Variants in CFAP54 observed in about 807,000 individuals in gnomAD.
The protein encoded by CFAP54 is cilia- and flagella-associated protein 54.
In CFAP54, 290 loss-of-function variants were observed where a neutral mutation model predicts 370.4. The ratio of observed to expected loss-of-function variants is 0.78; its 90% CI spans 0.71 to 0.86. The LOEUF (loss-of-function observed/expected upper bound fraction) is 0.86, where lower values mean the gene tolerates loss of function less well. Ranked by LOEUF, CFAP54 falls within the 40% of genes least tolerant of loss-of-function variation. The pLI is 0.00. For synonymous variants in CFAP54, 1,206 were observed against 1,236.5 expected (o/e 0.98, Z 0.52); for missense variants, 3,399 against 3,528.7 (o/e 0.96, Z 0.93).
chr12:96,676,980 A>G (rs950578270), intron 39 of CFAP54, among the ~76,000 whole-genome samples: 5 of 148,134 alleles, frequency 3.4e-5, no homozygotes, highest in African/African-American at 1.3e-4. Context: ...TCTAGCCCCA[A>G]ATATCTGTGC....
At position 96,663,894 on chromosome 12, in the gene CFAP54, G is replaced by C. The variant is rs146523157; in HGVS notation, c.5525G>C (p.Ser1842Thr). The C allele has an allele frequency of 6.2e-7, 1 of 1,613,250 alleles. No homozygotes were observed. Among genetic ancestry groups the C allele is most frequent in the East Asian group, 2.2e-5 (1 of 44,804 alleles). Residue 1842 changes from serine to threonine, a missense_variant, in exon 39 of 68, where the codon AGC becomes ACC. Transcript: ENST00000524981. The part of the protein sequence containing the change: ...KINSSTIEAT[S>T]NCTDLLKMLI... ...AATTCTTCAACCATTGAAGCAACAA[G>C]CAACTGCACAGATTTGCTAAAAATG...
chr12:96,689,053 T>C, intron 43 of CFAP54, 71 bp downstream of exon 43: 1 of 943,322 alleles, frequency 1.1e-6, no homozygotes. Context: ...AAAAAGTTTA[T>C]CATATTCAGA....
chr12:96,871,530 G>A (rs1960166684), intron 67 of CFAP54, among the ~76,000 whole-genome samples: 1 of 152,118 alleles, frequency 6.6e-6, no homozygotes, highest in Non-Finnish European at 1.5e-5. Flanking sequence ...ATACAAAGAA[G>A]CAGGAAAATA....
At chr12:96,664,323 T>C (rs1344563) in intron 39 of CFAP54, among the ~76,000 whole-genome samples, 134,778 of 151,998 alleles carry the variant, frequency 0.89, 60,008 homozygotes, top group East Asian at 0.96. Flanking sequence ...TGTTATTCTC[T>C]TCTATGTGTC....
At chr12:96,807,859 C>T (rs1289241252) in intron 63 of CFAP54, among the ~76,000 whole-genome samples, 3 of 152,108 alleles carry the variant, frequency 2.0e-5, no homozygotes, top group Non-Finnish European at 4.4e-5. Flanking sequence ...TATTATTGCT[C>T]TAAGCACTTC....
At chr12:96,515,071 C>T (rs1467145044) in intron 5 of CFAP54, among the ~76,000 whole-genome samples, 1 of 150,714 alleles carries the variant, frequency 6.6e-6, no homozygotes, top group African/African-American at 2.4e-5. Context: ...GCAGTGGCGC[C>T]GTCTTAGCTC....
intron 27 of CFAP54, among the ~76,000 whole-genome samples, 166 bp downstream of exon 27, chr12:96,621,887 T>G (rs954115015): frequency 4.4e-4 from 58 of 131,320 alleles, no homozygotes; most frequent in African/African-American, 1.4e-3. Flanking sequence ...TTTTTTTTTT[T>G]TTTTTTTTTT....
chr12:96,600,191 G>T (rs898064333), intron 26 of CFAP54, among the ~76,000 whole-genome samples: 2 of 152,176 alleles, frequency 1.3e-5, no homozygotes, highest in Non-Finnish European at 2.9e-5. Flanking sequence ...TGTAAGGAAG[G>T]AATCCAGTTT....
chr12:96,866,265 A>C (rs531532584), intron 67 of CFAP54, among the ~76,000 whole-genome samples: 3 of 152,090 alleles, frequency 2.0e-5, no homozygotes, highest in Non-Finnish European at 4.4e-5. Context: ...TCATAAGTAC[A>C]GGCATGATTA....
At chr12:96,689,278 A>G (rs1039324351) in intron 43 of CFAP54, among the ~76,000 whole-genome samples, 4 of 151,982 alleles carry the variant, frequency 2.6e-5, no homozygotes, top group African/African-American at 9.7e-5. Flanking sequence ...CTTGTGCCTC[A>G]GCCTCATAAG....
In CFAP54 at chr12:96,756,488, A is replaced by T; in HGVS notation, c.7871A>T (p.Glu2624Val). The change falls in exon 57 of 68, where the codon GAG becomes GTG. Residue 2624 changes from glutamate (E) to valine (V), a missense_variant. By Grantham distance (121) the Glu-to-Val change is moderately radical. This residue lies in a region of CFAP54 where 2,796 missense variants were observed against 2,869.7 expected (regional missense o/e 0.97). Transcript: ENST00000524981. ...GKIERQILME[E>V]KSPSFQLESL... Reference sequence around the variant, plus strand: ...ATAGAACGTCAAATACTAATGGAAGAGAAATCTCCAAGTTTTCAACTTGAG... The same window carrying T: ...ATAGAACGTCAAATACTAATGGAAGTGAAATCTCCAAGTTTTCAACTTGAG... 2 of 1,602,382 alleles carry T rather than the reference A, an allele frequency of 1.2e-6. No homozygotes were observed. The highest frequency in any genetic ancestry group is 4.5e-5 in the East Asian group (2 of 44,786).
intron 60 of CFAP54, among the ~76,000 whole-genome samples, chr12:96,767,531 T>TA (rs1958413106): frequency 6.6e-6 from 1 of 152,232 alleles, no homozygotes; most frequent in Admixed American, 6.5e-5. Flanking sequence ...TACCAAATTT[T>TA]AAAATCCAAT....
At chr12:96,531,063 A>G (rs1023974558) in intron 9 of CFAP54, among the ~76,000 whole-genome samples, 7 of 152,164 alleles carry the variant, frequency 4.6e-5, no homozygotes, top group African/African-American at 1.7e-4. Flanking sequence ...TGTTCTGAAT[A>G]CAAGTCCTGG....
chr12:96,596,781 G>A (rs555634948), intron 25 of CFAP54, among the ~76,000 whole-genome samples: 70 of 152,130 alleles, frequency 4.6e-4, no homozygotes, highest in African/African-American at 1.5e-3. Flanking sequence ...CTCCAAATGC[G>A]ACAGAGGGCA....
chr12:96,727,426 T>A (rs1203342866), intron 50 of CFAP54, among the ~76,000 whole-genome samples: 1 of 146,598 alleles, frequency 6.8e-6, no homozygotes, highest in East Asian at 2.5e-4. Context: ...TTTACCATTA[T>A]GTAATGGCCT....
At position 96,829,084 on chromosome 12, in the gene CFAP54, CTG is replaced by C; in HGVS notation, c.9168_9169del (p.Glu3057GlyfsTer4). On this transcript the variant is annotated frameshift_variant and splice_region_variant, in exon 66 of 68. Transcript: ENST00000524981. LOFTEE classifies it high-confidence loss of function. Reference sequence around the variant, plus strand: ...AATGATAAAGAGCCAACACCACTATCTGAGGTATGTATTTCTCCTTTAAAATT... The same window carrying C: ...AATGATAAAGAGCCAACACCACTATCAGGTATGTATTTCTCCTTTAAAATT... The C allele has an allele frequency of 6.7e-7, 1 of 1,490,282 alleles. No homozygotes were observed. Among genetic ancestry groups the C allele is most frequent in the Non-Finnish European group, 9.0e-7 (1 of 1,107,528 alleles). 92.3% of individuals were successfully genotyped at this position (1,490,282 alleles called of 1,614,324 possible).
Position 96,734,508 on chromosome 12 carries a change from G to T in CFAP54, c.6966-5448G>T, listed in dbSNP as rs540670172. ...AATAAGATCTTTATTTTTATGAAAG[G>T]ATCTTATTTAACCCTTATAATAATC... On this transcript the variant is annotated intron_variant, in intron 50 of 67. Transcript: ENST00000524981. 1.4e-3 allele frequency among the ~76,000 whole-genome samples: 213 copies of T among 152,054 alleles called. 1 individual carries two copies. The highest frequency in any genetic ancestry group is 4.8e-3 in the African/African-American group (199 of 41,478).
intron 39 of CFAP54, among the ~76,000 whole-genome samples, chr12:96,667,032 A>G (rs896529355): frequency 3.3e-5 from 5 of 152,196 alleles, no homozygotes. Context: ...CCAAAATCCA[A>G]TAAGGCAGTC....
rs1306069305 is a variant in CFAP54, at chr12:96,490,561, A to T, written c.317+635A>T. Among the ~76,000 whole-genome samples, 3 of 152,154 alleles carry T rather than the reference A, an allele frequency of 2.0e-5. No homozygotes were observed. In the East Asian group the frequency reaches 5.8e-4, roughly 29 times the overall value. On this transcript the variant is annotated intron_variant, in intron 1 of 67. Transcript: ENST00000524981. ...ACGAAAATTAGCTGGGCATGGTGGC[A>T]CATGCCTGTACTCCCAGCTACTCAG...
Sources: allele counts gnomAD v4.1 joint callset (sites outside exome capture counted in the v4.1 genomes callset), GRCh38; gene constraint gnomAD v4.1.1; regional missense constraint gnomAD v4.1.1; transcripts MANE v1.5; gene names NCBI Gene and HGNC (gene_info 2026-07-23, HGNC 2026-07-21).